Variants in ANK3 observed in about 807,000 individuals in gnomAD.
ANK3 encodes the protein ankyrin 3.
In ANK3, 57 loss-of-function variants were observed where a neutral mutation model predicts 370.9. The observed-to-expected ratio is 0.15, with a 90% CI of 0.12 to 0.19. The LOEUF (loss-of-function observed/expected upper bound fraction) is 0.19. Among genes scored for constraint, ANK3 ranks in the 10% least tolerant of loss-of-function variants. The pLI, the probability that ANK3 is intolerant of heterozygous loss-of-function variation, is 1.00. For missense variants in ANK3, 4,439 were observed against 5,302.1 expected (o/e 0.84, Z 5.06); for synonymous variants, 1,929 against 1,946.3 (o/e 0.99, Z 0.23).
In ANK3 at chr10:60,071,619, C is replaced by T. The variant is rs774720847; in HGVS notation, c.9262G>A (p.Glu3088Lys). Residue 3088 changes from glutamate to lysine, a missense_variant, in exon 37 of 44, where the codon GAG becomes AAG. This residue lies in a region of ANK3 where 1,601 missense variants were observed against 1,731.7 expected (regional missense o/e 0.92). Transcript: ENST00000280772. ...APLAQTEGGK[E>K]IKTLPVYVSF... ...ACATAAACGGGTAAAGTTTTTATCT[C>T]TTTCCCTCCCTCTGTCTGGGCTAGT... 26 of 1,613,388 alleles carry T rather than the reference C, an allele frequency of 1.6e-5. No individual in the cohort carries two copies. Among genetic ancestry groups the T allele is most frequent in the Non-Finnish European group, 2.0e-5 (24 of 1,179,778 alleles).
Position 60,400,211 on chromosome 10 carries a change from C to G in ANK3, c.97-120572G>C, listed in dbSNP as rs573295281. Among the ~76,000 whole-genome samples the G allele has an allele frequency of 2.0e-5, 3 of 152,222 alleles. No individual in the cohort carries two copies. The East Asian group carries it at 5.8e-4, about 29-fold the overall frequency. The stretch of plus-strand genomic sequence containing the variant: ...TTCAGTCAGACTGGTGAGACAAGCA[C>G]AGGATAACAACCAGTGGTTTAAAAC... On this transcript the variant is annotated intron_variant, in intron 2 of 43. Coordinates refer to the ANK3 transcript ENST00000373827.
chr10:60,083,447 A>AT (rs759763888), intron 33 of ANK3, 45 bp downstream of exon 33: 22 of 1,574,488 alleles, frequency 1.4e-5, no homozygotes, highest in Non-Finnish European at 1.8e-5. Flanking sequence ...CTCTAAGAGT[A>AT]TTTTTTCCCC....
rs138267713 is a variant in ANK3 at position 60,687,633 on chromosome 10, G to A, written c.57+45630C>T. ...TGGTCACGATATAAAATAGCACAAC[G>A]GCTATGGAAAACAGTTAAGGAGGCT... On this transcript the variant is annotated intron_variant, in intron 1 of 43. Transcript: ENST00000373827. Among the ~76,000 whole-genome samples the A allele has an allele frequency of 3.9e-3, 588 of 152,068 alleles. 3 individuals carry two copies. The highest frequency in any genetic ancestry group is 6.6e-3 in the Non-Finnish European group (452 of 68,026).
intron 8 of ANK3, among the ~76,000 whole-genome samples, chr10:60,233,115 C>G (rs2097272847): frequency 6.6e-6 from 1 of 152,182 alleles, no homozygotes; most frequent in African/African-American, 2.4e-5. Context: ...AACTTTAATA[C>G]TAACTGGAGC....
intron 42 of ANK3, among the ~76,000 whole-genome samples, chr10:60,046,067 G>A (rs1306617263): frequency 6.6e-6 from 1 of 152,178 alleles, no homozygotes; most frequent in Non-Finnish European, 1.5e-5. Context: ...ATCTTGTTTA[G>A]TGCATCTCCA....
chr10:60,037,017 C>T (rs2075155296), intron 43 of ANK3, among the ~76,000 whole-genome samples: 1 of 152,200 alleles, frequency 6.6e-6, no homozygotes, highest in African/African-American at 2.4e-5. Flanking sequence ...CATTCCTCTT[C>T]CACTTCTGCT....
Position 60,608,841 on chromosome 10 carries a change from C to T in ANK3, c.96+6345G>A, listed in dbSNP as rs541636495. 3.0e-4 allele frequency among the ~76,000 whole-genome samples: 46 copies of T among 152,278 alleles called. No individual in the cohort carries two copies. In the South Asian group the frequency reaches 9.1e-3, roughly 30 times the overall value. ...AATATCTTAAATGTGGAGTATGTGA[C>T]ATGTGAGTCAGGGAGATGGGCATAG... On this transcript the variant is annotated intron_variant, in intron 2 of 43. Coordinates refer to the ANK3 transcript ENST00000373827.
At chr10:60,438,007 A>G (rs1762273861) in intron 2 of ANK3, among the ~76,000 whole-genome samples, 1 of 152,030 alleles carries the variant, frequency 6.6e-6, no homozygotes, top group African/African-American at 2.4e-5. Context: ...GTTATTTACT[A>G]TTTTTTCCAA....
rs1470775216 is a variant in ANK3, at chr10:60,028,202, T to C, written c.*1644A>G. 2 of 152,296 alleles carry C rather than the reference T, an allele frequency of 1.3e-5. No homozygotes were observed. Among genetic ancestry groups the C allele is most frequent in the Non-Finnish European group, 2.9e-5 (2 of 68,044 alleles). 9.4% of individuals were successfully genotyped at this position (152,296 alleles called of 1,614,324 possible). The stretch of plus-strand genomic sequence containing the variant: ...CAAAGCTTACTTGTCAATTAATCTT[T>C]AATTCTTGGCTCCCCCATGAAATGC... On this transcript the variant is annotated 3_prime_UTR_variant, in exon 44 of 44. Transcript: ENST00000280772.
At chr10:60,179,058 A>T (rs972607518) in intron 18 of ANK3, among the ~76,000 whole-genome samples, 1 of 152,180 alleles carries the variant, frequency 6.6e-6, no homozygotes, top group Non-Finnish European at 1.5e-5. Context: ...TTATTTTTGC[A>T]TGTAAGCCAA....
chr10:60,108,092 TAAGAC>T (rs1031971996), intron 27 of ANK3: 10 of 295,646 alleles, frequency 3.4e-5, no homozygotes, highest in South Asian at 5.2e-5. Flanking sequence ...AAAATAAACT[TAAGAC>T]AAGAATCAGA....
At chr10:60,362,125 C>G (rs1476383898) in intron 1 of ANK3, among the ~76,000 whole-genome samples, 1 of 151,280 alleles carries the variant, frequency 6.6e-6, no homozygotes, top group Non-Finnish European at 1.5e-5. Flanking sequence ...CTCAGGATGT[C>G]CTATGTGGTC....
At chr10:60,330,306 T>G (rs1483762507) in intron 1 of ANK3, among the ~76,000 whole-genome samples, 1 of 152,150 alleles carries the variant, frequency 6.6e-6, no homozygotes, top group Non-Finnish European at 1.5e-5. Flanking sequence ...CTAAAGAGCT[T>G]CTGCACAGCA....
intron 2 of ANK3, among the ~76,000 whole-genome samples, chr10:60,526,397 CATT>C (rs2076471823): frequency 6.6e-6 from 1 of 152,098 alleles, no homozygotes; most frequent in Non-Finnish European, 1.5e-5. Context: ...TAAAATATAA[CATT>C]ATCCCTAATA....
intron 23 of ANK3, among the ~76,000 whole-genome samples, chr10:60,161,951 A>T (rs2095511186): frequency 1.3e-5 from 2 of 152,204 alleles, no homozygotes; most frequent in Admixed American, 1.3e-4. Flanking sequence ...GCTTGAGGTG[A>T]TAGATATCCC....
rs199522016 is a variant in ANK3 at position 60,300,034 on chromosome 10, GC to G, written c.115-20396del. On this transcript the variant is annotated intron_variant, in intron 1 of 43. Coordinates refer to ENST00000280772, the MANE Select transcript of ANK3 (RefSeq NM_020987.5). ...CCAGGCTTTTCCTGCACTCCTAATC[GC>G]CCCCTGTCTTTTTGTATTTTGTTAT... Among the ~76,000 whole-genome samples, 3 of 151,830 alleles carry G rather than the reference GC, an allele frequency of 2.0e-5. No homozygotes were observed. In the East Asian group the frequency reaches 5.8e-4, roughly 29 times the overall value.
At chr10:60,450,104 C>G (rs1227943585) in intron 2 of ANK3, among the ~76,000 whole-genome samples, 1 of 152,058 alleles carries the variant, frequency 6.6e-6, no homozygotes, top group African/African-American at 2.4e-5. Context: ...CAAGACCAGC[C>G]TGGGGAACAT....
intron 2 of ANK3, among the ~76,000 whole-genome samples, chr10:60,439,320 G>A (rs2133002011): frequency 6.6e-6 from 1 of 152,206 alleles, no homozygotes; most frequent in Non-Finnish European, 1.5e-5. Flanking sequence ...GCATTAAACA[G>A]AATCCTGTGG....
chr10:60,068,583 G>A (rs1038863973), intron 37 of ANK3, 54 bp downstream of exon 37: 50 of 1,513,860 alleles, frequency 3.3e-5, no homozygotes, highest in South Asian at 5.2e-5. Flanking sequence ...AACTATGCTC[G>A]TTCTCCAGGA....
Sources: allele counts gnomAD v4.1 joint callset (sites outside exome capture counted in the v4.1 genomes callset), GRCh38; gene constraint gnomAD v4.1.1; regional missense constraint gnomAD v4.1.1; transcripts MANE v1.5; gene names NCBI Gene and HGNC (gene_info 2026-07-23, HGNC 2026-07-21).